Variants in FAM13C observed in about 807,000 individuals in gnomAD.
FAM13C encodes the protein family with sequence similarity 13 member C.
A neutral mutation model predicts 73.2 loss-of-function variants in FAM13C; 37 were observed. That is an observed-to-expected ratio of 0.51 (90% confidence interval 0.39 to 0.67). The LOEUF (loss-of-function observed/expected upper bound fraction) is 0.67, where lower values mean the gene tolerates loss of function less well. Among genes scored for constraint, FAM13C ranks in the 30% least tolerant of loss-of-function variants. The pLI is 0.00. For synonymous variants in FAM13C, 246 were observed against 260.9 expected, an observed-to-expected ratio of 0.94 and a Z score of 0.55; for missense variants, 589 against 715.6, an observed-to-expected ratio of 0.82 and a Z score of 2.02.
At position 59,264,121 on chromosome 10, in the gene FAM13C, T is replaced by C; in HGVS notation, c.988A>G (p.Met330Val). Residue 330 changes from methionine (M) to valine (V), a missense_variant, in exon 9 of 14, where the codon ATG becomes GTG. By Grantham distance (21) the Met-to-Val change is conservative. Coordinates refer to ENST00000618804, the MANE Select transcript of FAM13C (RefSeq NM_198215.4). ...KTSNPEVLKW[M>V]NDLAKGRKQL... ...TTACGACCTTTAGCCAAATCATTCA[T>C]CCATTTCAGGACTTCAGGATTAGAA... 1 of 1,611,348 alleles carries C rather than the reference T, an allele frequency of 6.2e-7. No homozygotes were observed. Among genetic ancestry groups the C allele is most frequent in the Non-Finnish European group, 8.5e-7 (1 of 1,179,280 alleles).
intron 4 of FAM13C, among the ~76,000 whole-genome samples, chr10:59,305,271 T>G (rs1042848430): frequency 1.3e-5 from 2 of 152,232 alleles, no homozygotes; most frequent in South Asian, 4.1e-4. Context: ...TGTTGAAAGA[T>G]CCTTAGGTCC....
intron 6 of FAM13C, among the ~76,000 whole-genome samples, chr10:59,278,446 G>A (rs1251827465): frequency 6.6e-6 from 1 of 152,164 alleles, no homozygotes; most frequent in African/African-American, 2.4e-5. Flanking sequence ...ATTCACTTAA[G>A]AGCTTTTACA....
At chr10:59,314,214 T>A (rs1182183982) in intron 4 of FAM13C, among the ~76,000 whole-genome samples, 1 of 152,096 alleles carries the variant, frequency 6.6e-6, no homozygotes, top group Non-Finnish European at 1.5e-5. Context: ...AAGCCATAGA[T>A]CAATACTGTG....
intron 3 of FAM13C, among the ~76,000 whole-genome samples, chr10:59,334,202 G>T (rs1211402889): frequency 2.6e-5 from 4 of 152,070 alleles, no homozygotes; most frequent in Admixed American, 2.6e-4. Flanking sequence ...TAAAAACTGG[G>T]ATAAAAATAA....
intron 2 of FAM13C, among the ~76,000 whole-genome samples, chr10:59,354,995 CAATAAT>C (rs150232105): frequency 1.3e-5 from 2 of 149,732 alleles, no homozygotes; most frequent in African/African-American, 4.9e-5. Flanking sequence ...TGGACCTCAC[CAATAAT>C]AATAATAATA....
In FAM13C at chr10:59,303,345, A is replaced by G. The variant is rs553252779; in HGVS notation, c.444-481T>C. 2.6e-4 allele frequency among the ~76,000 whole-genome samples: 39 copies of G among 152,232 alleles called. 1 individual carries two copies. Among genetic ancestry groups the G allele is most frequent in the African/African-American group, 9.4e-4 (39 of 41,538 alleles). ...CAGTCCTGTACATTTTCTTCTTAGC[A>G]CTTCCTCCTATTGAAATTATACATT... On this transcript the variant is annotated intron_variant, in intron 4 of 13. Coordinates refer to ENST00000618804, the MANE Select transcript of FAM13C (RefSeq NM_198215.4).
chr10:59,259,254 C>A, intron 10 of FAM13C, among the ~76,000 whole-genome samples: 1 of 152,112 alleles, frequency 6.6e-6, no homozygotes, highest in East Asian at 1.9e-4. Context: ...TGACTAAATA[C>A]CAAATGCGGA....
intron 1 of FAM13C, among the ~76,000 whole-genome samples, chr10:59,358,845 C>A (rs1408471237): frequency 6.6e-6 from 1 of 152,202 alleles, no homozygotes; most frequent in Non-Finnish European, 1.5e-5. Flanking sequence ...TACTAAGCAA[C>A]TCCAGTTGCC....
chr10:59,310,269 C>T (rs1848765909), intron 4 of FAM13C, among the ~76,000 whole-genome samples: 1 of 152,172 alleles, frequency 6.6e-6, no homozygotes, highest in African/African-American at 2.4e-5. Flanking sequence ...TGACTGCTGG[C>T]TGGCTGTATG....
In FAM13C at chr10:59,355,463, A is replaced by G. The variant is rs149706348; in HGVS notation, c.119+424T>C. On this transcript the variant is annotated intron_variant, in intron 2 of 13. Coordinates refer to ENST00000618804, the MANE Select transcript of FAM13C (RefSeq NM_198215.4). ...TAGATTAAATAATAAAATGTAGATG[A>G]AAGGGCTTGGAACAAAGTAAATGTA... 1.1e-3 allele frequency among the ~76,000 whole-genome samples: 164 copies of G among 152,338 alleles called. 1 individual carries two copies. Among genetic ancestry groups the G allele is most frequent in the African/African-American group, 3.9e-3 (161 of 41,582 alleles).
chr10:59,318,724 G>A (rs1849839031), intron 4 of FAM13C, among the ~76,000 whole-genome samples: 1 of 151,990 alleles, frequency 6.6e-6, no homozygotes, highest in African/African-American at 2.4e-5. Context: ...TTCTATGTGG[G>A]ATACTCAACA....
intron 10 of FAM13C, among the ~76,000 whole-genome samples, chr10:59,258,662 A>T (rs757125224): frequency 2.6e-5 from 4 of 152,104 alleles, no homozygotes; most frequent in Non-Finnish European, 5.9e-5. Context: ...TTTCTGTTAT[A>T]TATTTTCTTT....
At chr10:59,331,813 T>G (rs923297249) in intron 3 of FAM13C, among the ~76,000 whole-genome samples, 1 of 152,028 alleles carries the variant, frequency 6.6e-6, no homozygotes, top group Non-Finnish European at 1.5e-5. Context: ...CAGGATGTGG[T>G]TGAATGAAAA....
intron 3 of FAM13C, among the ~76,000 whole-genome samples, chr10:59,325,881 T>C (rs1279126739): frequency 6.6e-6 from 1 of 152,134 alleles, no homozygotes; most frequent in Non-Finnish European, 1.5e-5. Context: ...GGAATGCTTA[T>C]TTCACATTTC....
At chr10:59,349,915 G>T (rs1326190085) in intron 3 of FAM13C, among the ~76,000 whole-genome samples, 1 of 152,144 alleles carries the variant, frequency 6.6e-6, no homozygotes, top group Non-Finnish European at 1.5e-5. Flanking sequence ...CAATTTAGTA[G>T]ATGCTGCTAA....
At position 59,252,900 on chromosome 10, in the gene FAM13C, G is replaced by T. The variant is rs144395945; in HGVS notation, c.1431C>A (p.Thr477=). The T allele has an allele frequency of 3.0e-5, 49 of 1,614,006 alleles. No homozygotes were observed. Among genetic ancestry groups the T allele is most frequent in the Non-Finnish European group, 4.0e-5 (47 of 1,180,006 alleles). The change falls in exon 12 of 14, where the codon ACC becomes ACA. Residue 477 remains threonine, a synonymous_variant. Coordinates refer to ENST00000618804, the MANE Select transcript of FAM13C (RefSeq NM_198215.4). ...ASHLPVGDHL[T]YSNETEPVRA... is the part of the protein sequence containing the mutation. ...TAACAGGCTCAGTCTCATTAGAGTA[G>T]GTGAGGTGGTCACCAACAGGAAGGT...
intron 5 of FAM13C, among the ~76,000 whole-genome samples, chr10:59,287,410 A>T (rs1424335528): frequency 6.6e-6 from 1 of 151,568 alleles, no homozygotes; most frequent in Non-Finnish European, 1.5e-5. Flanking sequence ...AAGAATTTTT[A>T]AAAATGAATG....
rs1447774345 is a variant in FAM13C, at chr10:59,269,769, A to G, written c.803+130T>C. 1.4e-5 allele frequency: 15 copies of G among 1,089,552 alleles called. No homozygotes were observed. In the African/African-American group the frequency reaches 2.0e-4, roughly 15 times the overall value. The allele number at this position is 1,089,552 out of a possible 1,614,324, so 67.5% of individuals were successfully genotyped here. ...GCAAGTACACTAATTTTTGTCATTT[A>G]TTGTTCCAGTCTCGCAGTTGCGTTA... On this transcript the variant is annotated intron_variant, in intron 7 of 13. Transcript: ENST00000618804.
chr10:59,298,099 C>T (rs992397699), intron 5 of FAM13C, among the ~76,000 whole-genome samples: 8 of 152,202 alleles, frequency 5.3e-5, no homozygotes, highest in Non-Finnish European at 1.2e-4. Flanking sequence ...TTGGGTAAAC[C>T]CATTAACCCA....
Sources: gnomAD v4.1 joint callset for allele counts (sites outside exome capture counted in the v4.1 genomes callset) on GRCh38, gnomAD v4.1.1 for gene constraint, MANE v1.5 for transcripts, NCBI Gene and HGNC (gene_info 2026-07-23, HGNC 2026-07-21) for gene names.